Variants in VTI1A observed in about 807,000 individuals in gnomAD.
The protein encoded by VTI1A is vesicle transport through interaction with t-SNAREs homolog 1A.
In VTI1A, 22 loss-of-function variants were observed where a neutral mutation model predicts 34.9. That is an observed-to-expected ratio of 0.63 (90% CI 0.45 to 0.90). The LOEUF is 0.90. VTI1A is among the 40% of genes least tolerant of loss of function. VTI1A has a pLI of 0.00. For synonymous variants in VTI1A, 87 were observed against 97.3 expected, an observed-to-expected ratio of 0.89 and a Z score of 0.62; for missense variants, 268 against 275.6, an observed-to-expected ratio of 0.97 and a Z score of 0.20.
chr10:112,729,557 GA>G (rs1198106402), intron 7 of VTI1A, among the ~76,000 whole-genome samples: 8 of 152,140 alleles, frequency 5.3e-5, no homozygotes, highest in Non-Finnish European at 1.0e-4. Context: ...GCTCTGTGTA[GA>G]ATCTTAGGAA....
chr10:112,590,882 C>T (rs942771521), intron 5 of VTI1A, among the ~76,000 whole-genome samples: 1 of 151,530 alleles, frequency 6.6e-6, no homozygotes, highest in African/African-American at 2.4e-5. Context: ...GGGCAGATTA[C>T]TTGAGGCCAG....
chr10:112,845,732 G>A, the VTI1A span, among the ~76,000 whole-genome samples: 5 of 152,036 alleles, frequency 3.3e-5, no homozygotes, highest in Admixed American at 6.6e-5. Context: ...AGACAAAAGT[G>A]GGGGGCCGGA....
chr10:112,559,830 T>C (rs1851662980), intron 5 of VTI1A, among the ~76,000 whole-genome samples: 1 of 152,152 alleles, frequency 6.6e-6, no homozygotes, highest in South Asian at 2.1e-4. Context: ...AATACCTGTA[T>C]TGGGTGTCTT....
intron 7 of VTI1A, among the ~76,000 whole-genome samples, chr10:112,784,623 C>T (rs1165617587): frequency 1.3e-5 from 2 of 152,148 alleles, no homozygotes; most frequent in Non-Finnish European, 1.5e-5. Context: ...CCAGAAATAG[C>T]CTTTGACACT....
In VTI1A at chr10:112,816,994, C is replaced by T. The variant is rs1047468; in HGVS notation, c.*1611C>T. 56,224 of 231,462 alleles carry T rather than the reference C, an allele frequency of 0.24. 8,038 individuals are homozygous for T. The highest frequency in any genetic ancestry group is 0.48 in the East Asian group (7,777 of 16,334). The allele number at this position is 231,462 out of a possible 1,614,324, so 14.3% of individuals were successfully genotyped here. A position where few individuals can be genotyped will look rare whatever the true frequency, so the allele number is the denominator to read the frequency against. ...CGGAGGGATGGTGTGGGATTTTGGC[C>T]GAGGGAAGCAGGACAGAGAAGGAGC... On this transcript the variant is annotated 3_prime_UTR_variant, in exon 8 of 8. Coordinates refer to ENST00000393077, the MANE Select transcript of VTI1A (RefSeq NM_145206.4).
chr10:112,574,066 TA>T (rs1852241384), intron 5 of VTI1A, among the ~76,000 whole-genome samples: 1 of 152,234 alleles, frequency 6.6e-6, no homozygotes, highest in South Asian at 2.1e-4. Context: ...CATTTTTTTC[TA>T]AATTACTTAA....
intron 2 of VTI1A, among the ~76,000 whole-genome samples, chr10:112,461,851 G>A (rs1376266858): frequency 6.6e-6 from 1 of 152,158 alleles, no homozygotes; most frequent in African/African-American, 2.4e-5. Flanking sequence ...CCAAGTAGCT[G>A]GGATTACAGA....
chr10:112,517,600 C>T (rs1446549092), intron 3 of VTI1A, among the ~76,000 whole-genome samples: 2 of 152,026 alleles, frequency 1.3e-5, no homozygotes, highest in Non-Finnish European at 2.9e-5. Flanking sequence ...GCCAAGTAAT[C>T]AAGGTCAGCA....
chr10:112,519,023 A>G (rs966143391), intron 3 of VTI1A, among the ~76,000 whole-genome samples: 1 of 152,218 alleles, frequency 6.6e-6, no homozygotes, highest in African/African-American at 2.4e-5. Flanking sequence ...TTTATTGGCT[A>G]TATCCATAAA....
Position 112,670,280 on chromosome 10 carries a change from T to C in VTI1A, c.560+1282T>C, listed in dbSNP as rs181842409. Among the ~76,000 whole-genome samples, 4 of 152,180 alleles carry C rather than the reference T, an allele frequency of 2.6e-5. No individual in the cohort carries two copies. In the South Asian group the frequency reaches 6.2e-4, roughly 24 times the overall value. On this transcript the variant is annotated intron_variant, in intron 7 of 7. Transcript: ENST00000393077. ...CATTTTGTCAAATCTCATTAAAGAGTCCTCCTGCTTTATGTCAATTGAGCT... is the reference window on the plus strand; with the variant it reads ...CATTTTGTCAAATCTCATTAAAGAGCCCTCCTGCTTTATGTCAATTGAGCT...
chr10:112,537,112 G>A (rs1445525436), intron 4 of VTI1A, among the ~76,000 whole-genome samples: 4 of 151,524 alleles, frequency 2.6e-5, no homozygotes, highest in South Asian at 4.2e-4. Flanking sequence ...TTATTAGAAA[G>A]CATTTCTCCA....
At chr10:112,569,601 A>T (rs1218817175) in intron 5 of VTI1A, among the ~76,000 whole-genome samples, 3 of 152,238 alleles carry the variant, frequency 2.0e-5, no homozygotes, top group Non-Finnish European at 4.4e-5. Context: ...ATGTTGGCAG[A>T]TAACTGTACA....
chr10:112,830,874 G>C, the VTI1A span, among the ~76,000 whole-genome samples: 1 of 66,594 alleles, frequency 1.5e-5, no homozygotes, highest in Admixed American at 2.0e-4. Flanking sequence ...CTTGTAGACA[G>C]GGTCTCACTC....
chr10:112,835,791 G>GTTAA, the VTI1A span, among the ~76,000 whole-genome samples: 1 of 152,078 alleles, frequency 6.6e-6, no homozygotes, highest in Non-Finnish European at 1.5e-5. Context: ...TTGGGCTTTA[G>GTTAA]TTAAAACCTC....
intron 7 of VTI1A, among the ~76,000 whole-genome samples, chr10:112,782,950 A>G (rs1193656625): frequency 6.6e-6 from 1 of 152,180 alleles, no homozygotes; most frequent in Non-Finnish European, 1.5e-5. Context: ...TCATAAATGA[A>G]AATACCATCA....
intron 5 of VTI1A, among the ~76,000 whole-genome samples, chr10:112,599,418 C>G (rs1001514570): frequency 6.6e-6 from 1 of 152,070 alleles, no homozygotes; most frequent in African/African-American, 2.4e-5. Flanking sequence ...CTTGGATCTT[C>G]GAGCATAGCT....
intron 3 of VTI1A, among the ~76,000 whole-genome samples, chr10:112,474,067 CT>C (rs950845596): frequency 8.2e-4 from 120 of 146,286 alleles, no homozygotes; most frequent in Non-Finnish European, 8.6e-4. Context: ...ATGACTATGA[CT>C]TTTTTTTTTT....
intron 3 of VTI1A, among the ~76,000 whole-genome samples, chr10:112,472,981 G>GAA (rs10660196): frequency 0.47 from 69,069 of 148,096 alleles, 17,888 homozygotes; most frequent in Non-Finnish European, 0.6. Context: ...GAGTAAAAAA[G>GAA]AAAAAAAAAA....
chr10:112,752,268 ATCCAGCCTGGC>A (rs1362761159), intron 7 of VTI1A: 1 of 667,214 alleles, frequency 1.5e-6, no homozygotes, highest in African/African-American at 2.0e-5. Flanking sequence ...CCAGGACTGA[ATCCAGCCTGGC>A]TCCAGCCAGG....
Sources: gnomAD v4.1 joint callset for allele counts (sites outside exome capture counted in the v4.1 genomes callset) on GRCh38, gnomAD v4.1.1 for gene constraint, MANE v1.5 for transcripts, NCBI Gene and HGNC (gene_info 2026-07-23, HGNC 2026-07-21) for gene names.